TRPV6: variants seen among roughly 807,000 people sequenced by gnomAD.
The protein encoded by TRPV6 is transient receptor potential cation channel subfamily V member 6, also known as Alu-binding protein with zinc finger domain.
In TRPV6, 39 loss-of-function variants were observed where a neutral mutation model predicts 79.0. The ratio of observed to expected loss-of-function variants is 0.49; its 90% CI spans 0.38 to 0.64. The LOEUF is 0.64. TRPV6 is among the 30% of genes least tolerant of loss of function. The pLI, the probability that TRPV6 is intolerant of heterozygous loss-of-function variation, is 0.00. For missense variants in TRPV6, 813 were observed against 1,011.1 expected (o/e 0.80, Z 2.66); for synonymous variants, 373 against 391.9 (o/e 0.95, Z 0.57).
chr7:142,873,986 T>C lies in TRPV6; in HGVS notation c.1639+90A>G. 1.4e-6 allele frequency: 2 copies of C among 1,419,716 alleles called. No individual in the cohort carries two copies. The highest frequency in any genetic ancestry group is 2.0e-6 in the Non-Finnish European group (2 of 1,021,478). The allele number at this position is 1,419,716 out of a possible 1,614,324, so 87.9% of individuals were successfully genotyped here. ...AGGTCTCCTCTGATCTCTGCATTAC[T>C]CCTCCTCCCCAAGTTTAGCCAGAGC... On this transcript the variant is annotated intron_variant, in intron 12 of 14. Coordinates refer to ENST00000359396, the MANE Select transcript of TRPV6 (RefSeq NM_018646.6). This position sits in a 1 kb window ranked among gnomAD's most constrained non-coding sequence, Gnocchi z 4.8.
rs766850968 is a variant in TRPV6, at chr7:142,871,855, A to G, written c.2150T>C (p.Leu717Pro). Residue 717 changes from leucine to proline, a missense_variant, in exon 15 of 15, where the codon CTG (leucine) becomes CCG (proline). Coordinates refer to ENST00000359396, the MANE Select transcript of TRPV6 (RefSeq NM_018646.6). ...AGACACTGAGGGCATAGGAAGGGAC[A>G]GGTGGGGGCTGAAGGGACAGCCCAG... 1.9e-6 allele frequency: 3 copies of G among 1,614,170 alleles called. No homozygotes were observed. The South Asian group carries it at 3.3e-5, about 18-fold the overall frequency.
intron 1 of TRPV6, 96 bp from the exon 2 acceptor site, chr7:142,878,122 G>GTATAATAA: frequency 2.0e-6 from 2 of 998,244 alleles, no homozygotes; most frequent in African/African-American, 1.6e-5. Context: ...ACACAGATGT[G>GTATAATAA]TGTGCCTCAG....
chr7:142,878,122 G>A lies in TRPV6; in HGVS notation c.249-96C>T, dbSNP rs1795117427. Reference sequence around the variant, plus strand: ...TGACTCCATTATTATACACAGATGTGTGTGCCTCAGCAGCAGGAACCTCAG... The same window carrying A: ...TGACTCCATTATTATACACAGATGTATGTGCCTCAGCAGCAGGAACCTCAG... On this transcript the variant is annotated intron_variant, in intron 1 of 14. Coordinates refer to ENST00000359396, the MANE Select transcript of TRPV6 (RefSeq NM_018646.6). 47 of 998,258 alleles carry A rather than the reference G, an allele frequency of 4.7e-5. No homozygotes were observed. In the South Asian group the frequency reaches 5.9e-4, roughly 12 times the overall value. 61.8% of individuals were successfully genotyped at this position (998,258 alleles called of 1,614,324 possible). A position where few individuals can be genotyped will look rare whatever the true frequency, so the allele number is the denominator to read the frequency against.
chr7:142,879,890 T>G (rs1307006940), intron 1 of TRPV6: 1 of 152,244 alleles, frequency 6.6e-6, no homozygotes, highest in Admixed American at 6.5e-5. Context: ...GTCTCAGCAC[T>G]GCAGAGCACA....
chr7:142,885,688 C>T lies in TRPV6; in HGVS notation c.-52G>A. On this transcript the variant is annotated 5_prime_UTR_variant, in exon 1 of 15. Transcript: ENST00000359396. ...TTCCTTGGGAGTCTCCCAGCAGCCCCAGCCAGTTTGGAGAGGGCTGTGAGT... is the reference window on the plus strand; with the variant it reads ...TTCCTTGGGAGTCTCCCAGCAGCCCTAGCCAGTTTGGAGAGGGCTGTGAGT... The T allele has an allele frequency of 1.1e-6, 1 of 892,766 alleles. No individual in the cohort carries two copies. Among genetic ancestry groups the T allele is most frequent in the Admixed American group, 3.3e-5 (1 of 30,750 alleles). The allele number at this position is 892,766 out of a possible 1,614,324, so 55.3% of individuals were successfully genotyped here.
Position 142,873,873 on chromosome 7 carries a change from T to C in TRPV6, c.1640-157A>G. On this transcript the variant is annotated intron_variant, in intron 12 of 14. Transcript: ENST00000359396. The surrounding 1 kb of genome is among the most constrained non-coding windows in gnomAD (Gnocchi z 4.8). Reference sequence around the variant, plus strand: ...GGTTTTTACGGTCCCTAGTTTTGTATGAGCCTCATCTTGATCCTAAGAGCC... The same window carrying C: ...GGTTTTTACGGTCCCTAGTTTTGTACGAGCCTCATCTTGATCCTAAGAGCC... 10 of 1,145,224 alleles carry C rather than the reference T, an allele frequency of 8.7e-6. No homozygotes were observed. Among genetic ancestry groups the C allele is most frequent in the Non-Finnish European group, 1.2e-5 (10 of 803,418 alleles). 70.9% of individuals were successfully genotyped at this position (1,145,224 alleles called of 1,614,324 possible).
chr7:142,871,592 C>A lies in TRPV6; in HGVS notation c.*115G>T. 7.8e-7 allele frequency: 1 copy of A among 1,280,124 alleles called. No homozygotes were observed. 79.3% of individuals were successfully genotyped at this position (1,280,124 alleles called of 1,614,324 possible). ...TACATTCCTTGGCGTTCATGCTACT[C>A]CTCTTTCTCCCCTGGGGCCTGGGAG... On this transcript the variant is annotated 3_prime_UTR_variant, in exon 15 of 15. Coordinates refer to ENST00000359396, the MANE Select transcript of TRPV6 (RefSeq NM_018646.6).
At chr7:142,876,379 A>T (rs1795068462) in intron 6 of TRPV6, 29 bp downstream of exon 6, 1 of 1,603,998 alleles carries the variant, frequency 6.2e-7, no homozygotes, top group Non-Finnish European at 8.5e-7. Flanking sequence ...CATTAGAAAG[A>T]CACCTCAGGG....
At position 142,876,243 on chromosome 7, in the gene TRPV6, G is replaced by A. The variant is rs1586189182; in HGVS notation, c.882+165C>T. 3 of 1,049,438 alleles carry A rather than the reference G, an allele frequency of 2.9e-6. No individual in the cohort carries two copies. In the South Asian group the frequency reaches 5.0e-5, roughly 17 times the overall value. The allele number at this position is 1,049,438 out of a possible 1,614,324, so 65.0% of individuals were successfully genotyped here. On this transcript the variant is annotated intron_variant, in intron 6 of 14. Coordinates refer to ENST00000359396, the MANE Select transcript of TRPV6 (RefSeq NM_018646.6). ...CAATGCCTCAGGGGAAAAGGAGTGG[G>A]CAAGAAAGGGAACAGGTAACCACAG...
In TRPV6 at chr7:142,877,708, G is replaced by A; in HGVS notation, c.412C>T (p.Leu138=). 6.2e-7 allele frequency: 1 copy of A among 1,614,186 alleles called. No homozygotes were observed. Among genetic ancestry groups the A allele is most frequent in the Non-Finnish European group, 8.5e-7 (1 of 1,180,032 alleles). ...ACCAGCTCCGGGGCAGCCTCCATCA[G>A]CACCATGGCGGCCTCCAGGTTGTCA... is the stretch of plus-strand genomic sequence containing the variant. Residue 138 remains leucine, a synonymous_variant, in exon 3 of 15, where the codon CTG becomes TTG. Coordinates refer to ENST00000359396, the MANE Select transcript of TRPV6 (RefSeq NM_018646.6).
chr7:142,875,637 C>T lies in TRPV6; in HGVS notation c.1073G>A (p.Ser358Asn). 6.2e-7 allele frequency: 1 copy of T among 1,613,694 alleles called. No individual in the cohort carries two copies. The highest frequency in any genetic ancestry group is 8.5e-7 in the Non-Finnish European group (1 of 1,179,880). The change falls in exon 8 of 15, where the codon AGC becomes AAC. Residue 358 changes from serine (S) to asparagine (N), a missense_variant. Coordinates refer to ENST00000359396, the MANE Select transcript of TRPV6 (RefSeq NM_018646.6). ...CCGCCCGTACCGCTTCCACTTGAGG[C>T]TCACCAGCTCCTTCACCGGCGTCTG...
At chr7:142,875,720 A>G (rs752640911) in intron 7 of TRPV6, 38 bp downstream of exon 7, 15 of 1,592,350 alleles carry the variant, frequency 9.4e-6, no homozygotes, top group Middle Eastern at 1.7e-4. Context: ...AGACCCTGAC[A>G]CCCCTCCCCA....
chr7:142,882,107 A>G (rs1347836049), intron 1 of TRPV6: 1 of 152,260 alleles, frequency 6.6e-6, no homozygotes, highest in East Asian at 1.9e-4. Context: ...GAAGACAGGC[A>G]TGGGTCCCAC....
intron 1 of TRPV6, chr7:142,878,368 G>A: frequency 3.0e-6 from 1 of 331,606 alleles, no homozygotes; most frequent in South Asian, 3.5e-5. Context: ...GTGCTTACCT[G>A]CTAACCAGTT....
intron 8 of TRPV6, 128 bp downstream of exon 8, chr7:142,875,340 G>A (rs1341542070): frequency 7.9e-7 from 1 of 1,259,322 alleles, no homozygotes; most frequent in Non-Finnish European, 1.1e-6. Context: ...GCGTGCATTT[G>A]GAGTTTGTAC....
chr7:142,882,263 C>T (rs1294640398), intron 1 of TRPV6: 1 of 152,272 alleles, frequency 6.6e-6, no homozygotes, highest in East Asian at 1.9e-4. Context: ...CATGGCCCCT[C>T]TCATTCCCGC....
chr7:142,878,483 C>T (rs1795126379), intron 1 of TRPV6: 1 of 188,450 alleles, frequency 5.3e-6, no homozygotes, highest in Non-Finnish European at 1.1e-5. Flanking sequence ...ATTCCTGTCT[C>T]ATATTTGTGG....
chr7:142,885,446 T>A lies in TRPV6; in HGVS notation c.191A>T (p.Gln64Leu). 6.2e-7 allele frequency: 1 copy of A among 1,613,962 alleles called. No individual in the cohort carries two copies. Among genetic ancestry groups the A allele is most frequent in the East Asian group, 2.2e-5 (1 of 44,842 alleles). The change falls in exon 1 of 15, where the codon CAG becomes CTG. Residue 64 changes from glutamine (Q) to leucine (L), a missense_variant. By Grantham distance (113) the Gln-to-Leu change is moderately radical (BLOSUM62 -2). Coordinates refer to ENST00000359396, the MANE Select transcript of TRPV6 (RefSeq NM_018646.6). ...GCTCTGGGCCCAGGACTCCCGTCTC[T>A]GGAACCATCTGCAGAACTTGCTCCA...
intron 8 of TRPV6, 146 bp from the exon 9 acceptor site, chr7:142,875,310 G>A (rs1166751837): frequency 1.6e-6 from 2 of 1,220,220 alleles, no homozygotes; most frequent in Non-Finnish European, 1.2e-6. Flanking sequence ...CAGAGTAAGA[G>A]CGTATGTGTG....
Sources: gnomAD v4.1 joint callset for allele counts on GRCh38, gnomAD v4.1.1 for gene constraint, Gnocchi (gnomAD v3.1) non-coding constraint, MANE v1.5 for transcripts, NCBI Gene and HGNC (gene_info 2026-07-23, HGNC 2026-07-21) for gene names.